The following NDUFAF2 variants were observed in gnomAD, a reference collection of about 807,000 sequenced individuals.
The protein encoded by NDUFAF2 is NADH dehydrogenase [ubiquinone] 1 alpha subcomplex assembly factor 2.
A neutral mutation model predicts 22.8 loss-of-function variants in NDUFAF2; 13 were observed. The observed-to-expected ratio is 0.57, with a 90% CI of 0.37 to 0.91. The LOEUF is 0.91. Ranked by LOEUF, NDUFAF2 falls within the 40% of genes least tolerant of loss-of-function variation. The pLI, the probability that NDUFAF2 is intolerant of heterozygous loss-of-function variation, is 0.01. For synonymous variants in NDUFAF2, 53 were observed against 64.2 expected (o/e 0.83, Z 0.84); for missense variants, 162 against 195.2 (o/e 0.83, Z 1.01).
chr5:61,051,841 G>A (rs148502495), intron 1 of NDUFAF2, among the ~76,000 whole-genome samples: 143 of 152,196 alleles, frequency 9.4e-4, no homozygotes, highest in African/African-American at 3.3e-3. Flanking sequence ...CAGATATGAG[G>A]CACTAATATA....
At chr5:60,983,460 C>A (rs1219485265) in intron 1 of NDUFAF2, among the ~76,000 whole-genome samples, 2 of 141,960 alleles carry the variant, frequency 1.4e-5, no homozygotes, top group African/African-American at 5.3e-5. Context: ...GTGTTTTAGA[C>A]ATGAAGTCCT....
chr5:60,947,792 A>C (rs1750483251), intron 1 of NDUFAF2, among the ~76,000 whole-genome samples: 1 of 151,870 alleles, frequency 6.6e-6, no homozygotes, highest in African/African-American at 2.4e-5. Context: ...AACAAGCCCA[A>C]AAAACAACAA....
At chr5:61,148,396 T>C (rs1206839906) in intron 3 of NDUFAF2, among the ~76,000 whole-genome samples, 1 of 152,196 alleles carries the variant, frequency 6.6e-6, no homozygotes, top group African/African-American at 2.4e-5. Flanking sequence ...AGTTATTCCA[T>C]CTTTTGTCTG....
At chr5:60,985,361 A>T (rs1216642366) in intron 1 of NDUFAF2, among the ~76,000 whole-genome samples, 2 of 151,642 alleles carry the variant, frequency 1.3e-5, no homozygotes, top group Non-Finnish European at 1.5e-5. Flanking sequence ...GGATTCATTG[A>T]TTTTTTGAAG....
At chr5:61,142,243 A>G (rs1436186647) in intron 3 of NDUFAF2, among the ~76,000 whole-genome samples, 2 of 152,116 alleles carry the variant, frequency 1.3e-5, no homozygotes, top group African/African-American at 2.4e-5. Context: ...CTTTTTGCGT[A>G]TATATGGGAG....
intron 1 of NDUFAF2, among the ~76,000 whole-genome samples, chr5:61,018,468 A>G (rs186324642): frequency 1.4e-3 from 207 of 152,320 alleles, no homozygotes; most frequent in African/African-American, 4.8e-3. Flanking sequence ...ATCAGTATTT[A>G]TGTTGGAACT....
intron 1 of NDUFAF2, among the ~76,000 whole-genome samples, chr5:60,992,619 C>T (rs749794857): frequency 6.6e-6 from 1 of 152,058 alleles, no homozygotes; most frequent in African/African-American, 2.4e-5. Flanking sequence ...TTACTATATC[C>T]AGTGAGTTTT....
chr5:61,083,761 T>G (rs957568429), intron 2 of NDUFAF2, among the ~76,000 whole-genome samples: 1 of 151,758 alleles, frequency 6.6e-6, no homozygotes, highest in Non-Finnish European at 1.5e-5. Context: ...TATTGCTAGT[T>G]GTTTTCTATT....
At chr5:61,005,584 T>C (rs1465430771) in intron 1 of NDUFAF2, among the ~76,000 whole-genome samples, 2 of 152,210 alleles carry the variant, frequency 1.3e-5, no homozygotes, top group Non-Finnish European at 2.9e-5. Context: ...TTTCTCCACA[T>C]CCTCTGCAGC....
At chr5:60,959,204 T>G (rs1167904442) in intron 1 of NDUFAF2, among the ~76,000 whole-genome samples, 2 of 152,104 alleles carry the variant, frequency 1.3e-5, no homozygotes, top group African/African-American at 4.8e-5. Context: ...TATAGCTCTT[T>G]TCAATGTGAT....
chr5:61,150,297 TG>T (rs1444873487), intron 3 of NDUFAF2, among the ~76,000 whole-genome samples: 1 of 152,192 alleles, frequency 6.6e-6, no homozygotes, highest in Non-Finnish European at 1.5e-5. Flanking sequence ...TGTTTAATTT[TG>T]CCTGGTACCA....
rs371236767 is a variant in NDUFAF2, at chr5:61,152,947, A to T, written c.502A>T (p.Asn168Tyr). Reference protein sequence around the residue: ...SWMPRDGKSHNQ With the variant: ...SWMPRDGKSHYQ The stretch of plus-strand genomic sequence containing the variant: ...GATGCCACGAGATGGCAAGAGCCAC[A>T]ATCAATGAATGCATTATGGTCAAAT... Residue 168 changes from asparagine to tyrosine, a missense_variant, in exon 4 of 4, where the codon AAT (asparagine) becomes TAT (tyrosine). By Grantham distance (143) the Asn-to-Tyr change is moderately radical. Around this residue, in one of 2 missense-constraint regions of NDUFAF2, gnomAD observed 68 missense variants for 110.0 expected, o/e 0.62. Coordinates refer to ENST00000296597, the MANE Select transcript of NDUFAF2 (RefSeq NM_174889.5). 2 of 1,613,860 alleles carry T rather than the reference A, an allele frequency of 1.2e-6. No homozygotes were observed. Among genetic ancestry groups the T allele is most frequent in the African/African-American group, 1.3e-5 (1 of 74,936 alleles).
intron 1 of NDUFAF2, among the ~76,000 whole-genome samples, chr5:61,066,650 A>G (rs1371743199): frequency 6.6e-6 from 1 of 152,140 alleles, no homozygotes; most frequent in East Asian, 1.9e-4. Context: ...TCACTTATAT[A>G]ACATGGCATA....
intron 1 of NDUFAF2, among the ~76,000 whole-genome samples, chr5:60,962,157 A>G (rs1476921007): frequency 1.3e-5 from 2 of 150,224 alleles, no homozygotes; most frequent in Admixed American, 6.6e-5. Context: ...TTCACCTCAC[A>G]TAGTTATCTT....
chr5:61,109,472 A>C (rs982847782), intron 3 of NDUFAF2, among the ~76,000 whole-genome samples: 1 of 152,138 alleles, frequency 6.6e-6, no homozygotes, highest in Non-Finnish European at 1.5e-5. Flanking sequence ...TCTAACTAGG[A>C]CTTCCAATAT....
intron 1 of NDUFAF2, among the ~76,000 whole-genome samples, chr5:61,030,748 TCTTTC>T (rs1394452246): frequency 6.6e-6 from 1 of 152,072 alleles, no homozygotes; most frequent in Admixed American, 6.6e-5. Flanking sequence ...TCTTCTTTCT[TCTTTC>T]CTTTCTTTTT....
chr5:61,040,445 GA>G (rs1751866384), intron 1 of NDUFAF2, among the ~76,000 whole-genome samples: 1 of 152,038 alleles, frequency 6.6e-6, no homozygotes, highest in African/African-American at 2.4e-5. Flanking sequence ...TTAGCCTCCA[GA>G]ACAGAGACAA....
At chr5:61,024,868 T>G (rs979185110) in intron 1 of NDUFAF2, among the ~76,000 whole-genome samples, 1 of 152,138 alleles carries the variant, frequency 6.6e-6, no homozygotes, top group African/African-American at 2.4e-5. Context: ...CATATCAGCC[T>G]TGTTCTCTGT....
intron 1 of NDUFAF2, among the ~76,000 whole-genome samples, chr5:61,041,915 T>A (rs1751888131): frequency 1.3e-5 from 2 of 152,212 alleles, no homozygotes; most frequent in Admixed American, 6.5e-5. Flanking sequence ...ATTGCAGTCA[T>A]GGGCAAACCA....
Sources: allele counts gnomAD v4.1 joint callset (sites outside exome capture counted in the v4.1 genomes callset), GRCh38; gene constraint gnomAD v4.1.1; regional missense constraint gnomAD v4.1.1; transcripts MANE v1.5; gene names NCBI Gene and HGNC (gene_info 2026-07-23, HGNC 2026-07-21).